Variants in NCAPG2 observed in about 807,000 individuals in gnomAD.
NCAPG2 encodes non-SMC condensin II complex subunit G2, also known as condensin-2 complex subunit G2.
Under a neutral mutation model 141.1 loss-of-function variants are expected in NCAPG2, and 53 were observed. The observed-to-expected ratio is 0.38, with a 90% CI of 0.30 to 0.47. The LOEUF is 0.47. NCAPG2 is among the 20% of genes least tolerant of loss of function. The pLI is 0.99. For missense variants in NCAPG2, 1,087 were observed against 1,389.0 expected, an observed-to-expected ratio of 0.78 and a Z score of 3.46; for synonymous variants, 499 against 490.7, an observed-to-expected ratio of 1.02 and a Z score of -0.22.
At chr7:158,668,245 CTTA>C (rs1833372173) in intron 13 of NCAPG2, 2 of 323,114 alleles carry the variant, frequency 6.2e-6, no homozygotes, top group African/African-American at 8.2e-5. Flanking sequence ...CTCTGCCCTC[CTTA>C]CCCACTACTG....
Position 158,650,923 on chromosome 7 carries a change from T to C in NCAPG2, c.2984A>G (p.Gln995Arg). 6.2e-7 allele frequency: 1 copy of C among 1,613,742 alleles called. No individual in the cohort carries two copies. The highest frequency in any genetic ancestry group is 8.5e-7 in the Non-Finnish European group (1 of 1,179,878). The part of the protein sequence containing the change: ...RPLHEFITAV[Q>R]SRHTDTPVHR... ...CACAGGGGTGTCTGTGTGCCGAGAC[T>C]GAACAGCAGTAATGAACTCATGAAG... is the stretch of plus-strand genomic sequence containing the variant. The change falls in exon 24 of 28, where the codon CAG (glutamine) becomes CGG (arginine). Residue 995 changes from glutamine to arginine, a missense_variant. Gln to Arg is a conservative substitution (Grantham distance 43). Transcript: ENST00000356309.
At position 158,683,405 on chromosome 7, in the gene NCAPG2, T is replaced by A. The variant is rs767487472; in HGVS notation, c.838-19A>T. 6.3e-7 allele frequency: 1 copy of A among 1,579,210 alleles called. No individual in the cohort carries two copies. Among genetic ancestry groups the A allele is most frequent in the Non-Finnish European group, 8.6e-7 (1 of 1,158,040 alleles). On this transcript the variant is annotated intron_variant, in intron 8 of 27. Transcript: ENST00000356309. ...CAATCGCCTGAAATAACAAATGCAA[T>A]GCAAAGCACTTGGTGTGTGTGTGTC...
chr7:158,649,009 T>G (rs1408619389), intron 24 of NCAPG2, among the ~76,000 whole-genome samples: 3 of 152,048 alleles, frequency 2.0e-5, no homozygotes, highest in Admixed American at 6.5e-5. Flanking sequence ...CAGAGGTTGT[T>G]GGACTAGATT....
At position 158,690,736 on chromosome 7, in the gene NCAPG2, C is replaced by A. The variant is rs765210493; in HGVS notation, c.383-14G>T. The A allele has an allele frequency of 6.2e-7, 1 of 1,607,342 alleles. No individual in the cohort carries two copies. Among genetic ancestry groups the A allele is most frequent in the Middle Eastern group, 1.7e-4 (1 of 6,026 alleles). On this transcript the variant is annotated splice_polypyrimidine_tract_variant and intron_variant, in intron 4 of 27. Transcript: ENST00000356309. The stretch of plus-strand genomic sequence containing the variant: ...CATATAAAATACCTAAAATACAGCA[C>A]AGTAATTTTCCAATTAGTAAGGCAA...
At chr7:158,663,813 T>C (rs1334396572) in intron 15 of NCAPG2, among the ~76,000 whole-genome samples, 3 of 152,240 alleles carry the variant, frequency 2.0e-5, no homozygotes, top group Admixed American at 2.0e-4. Context: ...TTGGTTGCTT[T>C]GGATTCTGAA....
intron 4 of NCAPG2, among the ~76,000 whole-genome samples, chr7:158,691,972 G>A (rs1214076899): frequency 1.3e-5 from 2 of 152,178 alleles, no homozygotes; most frequent in Non-Finnish European, 2.9e-5. Flanking sequence ...GCTGAGTACT[G>A]CCCATCTCAC....
chr7:158,645,586 A>C lies in NCAPG2; in HGVS notation c.3213T>G (p.Ala1071=), dbSNP rs199694609. 5.6e-6 allele frequency: 9 copies of C among 1,614,258 alleles called. 1 individual carries two copies. Among genetic ancestry groups the C allele is most frequent in the Middle Eastern group, 1.6e-4 (1 of 6,062 alleles). ...ACACAATGCCTTCAATATCATTAGA[A>C]GCCACACATGCCTTTAATTCATCCA... ...SFLDELKACV[A]SNDIEGIVCL... is the part of the protein sequence containing the mutation. Residue 1071 remains alanine (A), a synonymous_variant, in exon 26 of 28, where the codon GCT becomes GCG. Coordinates refer to ENST00000356309, the MANE Select transcript of NCAPG2 (RefSeq NM_017760.7).
intron 4 of NCAPG2, 55 bp downstream of exon 4, chr7:158,692,787 A>G: frequency 9.8e-7 from 1 of 1,022,926 alleles, no homozygotes; most frequent in Non-Finnish European, 1.5e-6. Flanking sequence ...AGAAACAAAA[A>G]CAAGTATTTC....
chr7:158,689,117 T>A (rs914074714), intron 6 of NCAPG2, among the ~76,000 whole-genome samples: 2 of 152,212 alleles, frequency 1.3e-5, no homozygotes, highest in Non-Finnish European at 2.9e-5. Flanking sequence ...CTCTCTGTAA[T>A]TCTCAATTCT....
At chr7:158,641,124 TAA>T (rs968837939) in intron 27 of NCAPG2, 16 of 150,680 alleles carry the variant, frequency 1.1e-4, no homozygotes, top group Non-Finnish European at 2.0e-4. Flanking sequence ...AAGAAAGGTT[TAA>T]AAAAAAAAAA....
chr7:158,654,051 T>C (rs1454790513), intron 22 of NCAPG2, among the ~76,000 whole-genome samples: 5 of 152,064 alleles, frequency 3.3e-5, no homozygotes, highest in African/African-American at 7.2e-5. Context: ...GCCAAGGAGA[T>C]ATGGAATGAC....
chr7:158,686,579 A>C (rs1834768711), intron 7 of NCAPG2, among the ~76,000 whole-genome samples: 1 of 152,234 alleles, frequency 6.6e-6, no homozygotes, highest in Admixed American at 6.5e-5. Context: ...ACTTGGAGTC[A>C]CGTTGGACTT....
At chr7:158,660,810 C>T (rs73165325) in intron 16 of NCAPG2, among the ~76,000 whole-genome samples, 2,386 of 152,206 alleles carry the variant, frequency 0.016, 36 homozygotes, top group South Asian at 0.04. Flanking sequence ...CCACGTGTTA[C>T]GGGAGGGACA....
intron 19 of NCAPG2, 64 bp from the exon 20 acceptor site, chr7:158,655,519 C>A: frequency 7.4e-7 from 1 of 1,350,238 alleles, no homozygotes; most frequent in South Asian, 1.2e-5. Flanking sequence ...CCCCGTACAG[C>A]AAGAACAATG....
At chr7:158,678,098 C>CTT (rs1279608201) in intron 11 of NCAPG2, among the ~76,000 whole-genome samples, 1 of 71,436 alleles carries the variant, frequency 1.4e-5, no homozygotes, top group Non-Finnish European at 2.7e-5. Flanking sequence ...CACCTAGACC[C>CTT]TTTTTTATTT....
At chr7:158,667,326 T>TCAGC in intron 13 of NCAPG2, 1 of 76,242 alleles carries the variant, frequency 1.3e-5, no homozygotes, top group East Asian at 3.4e-3. Flanking sequence ...ACTGTGTCCC[T>TCAGC]CCGCTACTGT....
chr7:158,678,612 C>T (rs1439092037), intron 11 of NCAPG2, among the ~76,000 whole-genome samples: 1 of 151,516 alleles, frequency 6.6e-6, no homozygotes, highest in Admixed American at 6.6e-5. Context: ...TCAAGCGATC[C>T]TCCCATTTGA....
At chr7:158,684,226 G>A (rs776717967) in intron 8 of NCAPG2, among the ~76,000 whole-genome samples, 1 of 152,188 alleles carries the variant, frequency 6.6e-6, no homozygotes, top group African/African-American at 2.4e-5. Context: ...AGCACTACCT[G>A]GGAAGTTATT....
Position 158,631,613 on chromosome 7 carries a change from T to G in NCAPG2, c.*53A>C. On this transcript the variant is annotated 3_prime_UTR_variant, in exon 28 of 28. Coordinates refer to ENST00000356309, the MANE Select transcript of NCAPG2 (RefSeq NM_017760.7). ...AAACAATAGGAAAATACACAGGCAT[T>G]TCAATTTGAATCACTTTTCCCTATT... 3.5e-6 allele frequency: 5 copies of G among 1,437,542 alleles called. No homozygotes were observed. The highest frequency in any genetic ancestry group is 3.9e-6 in the Non-Finnish European group (4 of 1,022,208). 89.0% of individuals were successfully genotyped at this position (1,437,542 alleles called of 1,614,324 possible). A position where few individuals can be genotyped will look rare whatever the true frequency, so the allele number is the denominator to read the frequency against.
Sources: gnomAD v4.1 joint callset for allele counts (sites outside exome capture counted in the v4.1 genomes callset) on GRCh38, gnomAD v4.1.1 for gene constraint, MANE v1.5 for transcripts, NCBI Gene and HGNC (gene_info 2026-07-23, HGNC 2026-07-21) for gene names.